The following ULK4 variants were observed in gnomAD, a reference collection of about 807,000 sequenced individuals.
ULK4 encodes the protein inactive serine/threonine-protein kinase ULK4.
Under a neutral mutation model 160.6 loss-of-function variants are expected in ULK4, and 133 were observed. The observed-to-expected ratio is 0.83, with a 90% confidence interval of 0.72 to 0.96. The LOEUF (loss-of-function observed/expected upper bound fraction) is 0.96, where lower values mean the gene tolerates loss of function less well. Ranked by LOEUF, ULK4 falls within the 40% of genes least tolerant of loss-of-function variation. The pLI is 0.00. For synonymous variants in ULK4, 534 were observed against 539.8 expected (o/e 0.99, Z 0.15); for missense variants, 1,580 against 1,499.5 (o/e 1.05, Z -0.89).
chr3:41,725,389 A>G (rs1415292169), intron 22 of ULK4, among the ~76,000 whole-genome samples: 3 of 152,036 alleles, frequency 2.0e-5, no homozygotes, highest in Non-Finnish European at 4.4e-5. Context: ...GTTTTCCTCT[A>G]TATCTCTCCC....
chr3:41,469,094 C>T (rs960535920), intron 32 of ULK4, among the ~76,000 whole-genome samples: 19 of 152,160 alleles, frequency 1.2e-4, no homozygotes, highest in Admixed American at 1.2e-3. Context: ...CAGCCTCATA[C>T]CTTGCCCCAA....
chr3:41,611,938 A>G (rs2032700283), intron 31 of ULK4, among the ~76,000 whole-genome samples: 1 of 152,152 alleles, frequency 6.6e-6, no homozygotes, highest in African/African-American at 2.4e-5. Context: ...ATCTAAGGAC[A>G]GTCAGCCCTG....
intron 32 of ULK4, among the ~76,000 whole-genome samples, chr3:41,509,873 T>C (rs2085511061): frequency 6.6e-6 from 1 of 152,190 alleles, no homozygotes; most frequent in Admixed American, 6.6e-5. Context: ...AGAACCTTTT[T>C]AATGCATAAA....
intron 19 of ULK4, among the ~76,000 whole-genome samples, chr3:41,811,394 G>A (rs2040816907): frequency 6.6e-6 from 1 of 152,210 alleles, no homozygotes; most frequent in East Asian, 1.9e-4. Context: ...CTTGAACCCA[G>A]CGATCCTCCT....
At chr3:41,849,308 G>C (rs576972577) in intron 17 of ULK4, among the ~76,000 whole-genome samples, 46 of 152,316 alleles carry the variant, frequency 3.0e-4, no homozygotes, top group African/African-American at 1.1e-3. Context: ...TCTTAGGGTA[G>C]AGAAGCATTT....
At chr3:41,960,618 G>T (rs2148851766) in intron 1 of ULK4, among the ~76,000 whole-genome samples, 1 of 152,216 alleles carries the variant, frequency 6.6e-6, no homozygotes, top group East Asian at 1.9e-4. Context: ...GCCTGCCTCG[G>T]CCTTCCAAAG....
rs763486805 is a variant in ULK4, at chr3:41,914,182, G to C, written c.804-1283C>G. ...TCACCAGAGTGGGAAAATTAAGCCT[G>C]ACTGAAATTTTAAAACAAAAAAGAA... On this transcript the variant is annotated intron_variant, in intron 8 of 36. Transcript: ENST00000301831. Among the ~76,000 whole-genome samples the C allele has an allele frequency of 2.0e-5, 3 of 152,132 alleles. No homozygotes were observed. The East Asian group carries it at 5.8e-4, about 29-fold the overall frequency.
chr3:41,912,218 C>T (rs1242803241), intron 9 of ULK4, among the ~76,000 whole-genome samples: 1 of 151,690 alleles, frequency 6.6e-6, no homozygotes, highest in Non-Finnish European at 1.5e-5. Flanking sequence ...GTCTCAGCTA[C>T]CCAGGAATCT....
intron 30 of ULK4, among the ~76,000 whole-genome samples, chr3:41,633,372 G>C (rs2033824055): frequency 6.6e-6 from 1 of 152,000 alleles, no homozygotes; most frequent in Non-Finnish European, 1.5e-5. Context: ...AATTTTTTTG[G>C]AACACAATCC....
At chr3:41,388,732 A>G (rs927800397) in intron 35 of ULK4, among the ~76,000 whole-genome samples, 2 of 151,912 alleles carry the variant, frequency 1.3e-5, no homozygotes, top group Non-Finnish European at 2.9e-5. Flanking sequence ...CCATTGATCT[A>G]TATCTCTGTT....
intron 32 of ULK4, among the ~76,000 whole-genome samples, chr3:41,487,216 G>A (rs1285697950): frequency 1.3e-5 from 2 of 152,022 alleles, no homozygotes; most frequent in African/African-American, 2.4e-5. Flanking sequence ...AAGGAAAACT[G>A]AATAAATGGA....
In ULK4 at chr3:41,426,603, A is replaced by G. The variant is rs1575544597; in HGVS notation, c.3493-28339T>C. Among the ~76,000 whole-genome samples, 6 of 152,214 alleles carry G rather than the reference A, an allele frequency of 3.9e-5. No individual in the cohort carries two copies. In the East Asian group the frequency reaches 1.2e-3, roughly 29 times the overall value. ...CAGTGCAATCAAATTAGAACTCAAGATTCAGAAACTCACTCAAAACCCACA... is the reference window on the plus strand; with the variant it reads ...CAGTGCAATCAAATTAGAACTCAAGGTTCAGAAACTCACTCAAAACCCACA... On this transcript the variant is annotated intron_variant, in intron 34 of 36. Coordinates refer to ENST00000301831, the MANE Select transcript of ULK4 (RefSeq NM_017886.4).
intron 30 of ULK4, among the ~76,000 whole-genome samples, chr3:41,633,342 C>A (rs2033823005): frequency 6.7e-6 from 1 of 148,394 alleles, no homozygotes; most frequent in Admixed American, 6.8e-5. Context: ...TGAAATTCAA[C>A]TTTCAGTTTC....
intron 34 of ULK4, among the ~76,000 whole-genome samples, chr3:41,425,393 G>C (rs1010552850): frequency 6.6e-6 from 1 of 152,124 alleles, no homozygotes. Flanking sequence ...TCATCCAAGA[G>C]AACTTCCCCA....
chr3:41,547,149 G>A (rs2086891782), intron 32 of ULK4, among the ~76,000 whole-genome samples: 1 of 152,044 alleles, frequency 6.6e-6, no homozygotes, highest in African/African-American at 2.4e-5. Flanking sequence ...ATTGAACACA[G>A]AGTAGGTTCA....
chr3:41,647,593 G>C (rs1398970761), intron 30 of ULK4, among the ~76,000 whole-genome samples: 1 of 152,234 alleles, frequency 6.6e-6, no homozygotes, highest in Non-Finnish European at 1.5e-5. Flanking sequence ...TGAGGTGTCA[G>C]TCTGCCCCTA....
chr3:41,503,224 C>A (rs369783434), intron 32 of ULK4, among the ~76,000 whole-genome samples: 1 of 152,174 alleles, frequency 6.6e-6, no homozygotes, highest in Non-Finnish European at 1.5e-5. Flanking sequence ...CTTCAGTCTT[C>A]TAGAAGAAAG....
In ULK4 at chr3:41,289,862, T is replaced by C. The variant is rs200432089; in HGVS notation, c.3679-40288A>G. Among the ~76,000 whole-genome samples the C allele has an allele frequency of 1.3e-3, 189 of 147,760 alleles. 1 individual carries two copies. Among genetic ancestry groups the C allele is most frequent in the Admixed American group, 1.6e-3 (24 of 15,140 alleles). The stretch of plus-strand genomic sequence containing the variant: ...ATGTATGTATGTATGTATGTACGTA[T>C]GTATGTATGTATGTGTGTGTGTGTG... On this transcript the variant is annotated intron_variant, in intron 35 of 36. Coordinates refer to ENST00000301831, the MANE Select transcript of ULK4 (RefSeq NM_017886.4).
intron 18 of ULK4, among the ~76,000 whole-genome samples, chr3:41,823,081 T>TAA (rs140974808): frequency 6.6e-6 from 1 of 151,856 alleles, no homozygotes; most frequent in African/African-American, 2.4e-5. Context: ...ATGAGTGCTA[T>TAA]AAAGAAAAAC....
Sources: allele counts gnomAD v4.1 joint callset (sites outside exome capture counted in the v4.1 genomes callset), GRCh38; gene constraint gnomAD v4.1.1; transcripts MANE v1.5; gene names NCBI Gene and HGNC (gene_info 2026-07-23, HGNC 2026-07-21).